TENM4: variants seen among roughly 807,000 people sequenced by gnomAD.
TENM4 encodes the protein teneurin transmembrane protein 4.
TENM4 carries 82 observed loss-of-function variants against 243.3 expected under a neutral mutation model. The observed-to-expected ratio is 0.34, with a 90% CI of 0.28 to 0.40. TENM4 has a LOEUF of 0.40. TENM4 is among the 10% of genes least tolerant of loss of function. The pLI, the probability that TENM4 is intolerant of heterozygous loss-of-function variation, is 1.00. For synonymous variants in TENM4, 1,412 were observed against 1,456.3 expected (o/e 0.97, Z 0.69); for missense variants, 3,138 against 3,673.3 (o/e 0.85, Z 3.77).
chr11:79,185,029 T>A (rs1863356374), intron 3 of TENM4, among the ~76,000 whole-genome samples: 1 of 152,190 alleles, frequency 6.6e-6, no homozygotes, highest in African/African-American at 2.4e-5. Flanking sequence ...CTGGGCACAG[T>A]GGCTCATGCC....
intron 1 of TENM4, among the ~76,000 whole-genome samples, chr11:79,420,763 T>C (rs1342270503): frequency 1.3e-5 from 2 of 152,058 alleles, no homozygotes; most frequent in South Asian, 4.1e-4. Flanking sequence ...TGCTCACACA[T>C]CCACACAATA....
At chr11:79,171,129 T>C (rs1202052630) in intron 3 of TENM4, among the ~76,000 whole-genome samples, 1 of 152,144 alleles carries the variant, frequency 6.6e-6, no homozygotes, top group Admixed American at 6.6e-5. Flanking sequence ...TCTCCTATCT[T>C]ACCTGTGAGA....
rs377174822 is a variant in TENM4, at chr11:78,672,173, C to T, written c.5653G>A (p.Val1885Met). The stretch of plus-strand genomic sequence containing the variant: ...ATGTAACCCCCAGGGGAGTATGTCA[C>T]GTTGACACCATTCAGCCTGCTGCTG... ...SPSSRLNGVN[V>M]TYSPGGYIAG... Residue 1885 changes from valine (V) to methionine (M), a missense_variant, in exon 31 of 34, where the codon GTG (valine) becomes ATG (methionine). Val to Met is a conservative substitution (Grantham distance 21). Around this residue, in one of 2 missense-constraint regions of TENM4, gnomAD observed 2,467 missense variants for 3,059.1 expected, o/e 0.81. Coordinates refer to ENST00000278550, the MANE Select transcript of TENM4 (RefSeq NM_001098816.3). 242 of 1,613,780 alleles carry T rather than the reference C, an allele frequency of 1.5e-4. No homozygotes were observed. Among genetic ancestry groups the T allele is most frequent in the South Asian group, 2.4e-4 (22 of 91,084 alleles).
chr11:79,088,805 C>T (rs1860879070), intron 4 of TENM4, among the ~76,000 whole-genome samples: 1 of 152,162 alleles, frequency 6.6e-6, no homozygotes. Flanking sequence ...TAGAAACCTA[C>T]TATAGGCCCC....
rs548043368 is a variant in TENM4 at position 79,228,339 on chromosome 11, A to G, written c.-264-12430T>C. Among the ~76,000 whole-genome samples the G allele has an allele frequency of 4.5e-4, 69 of 152,232 alleles. 1 individual carries two copies. The highest frequency in any genetic ancestry group is 6.8e-3 in the Middle Eastern group (2 of 294). ...CCTTGTCACAGGTGGCCTTTTATTG[A>G]CTGACCCAAGTGTCCCAGACCAATG... On this transcript the variant is annotated intron_variant, in intron 2 of 33. Coordinates refer to ENST00000278550, the MANE Select transcript of TENM4 (RefSeq NM_001098816.3).
At position 78,658,119 on chromosome 11, in the gene TENM4, T is replaced by G. The variant is rs1857939435; in HGVS notation, c.8249A>C (p.Glu2750Ala). 2.5e-6 allele frequency: 4 copies of G among 1,614,042 alleles called. No individual in the cohort carries two copies. The highest frequency in any genetic ancestry group is 2.2e-5 in the East Asian group (1 of 44,884). Residue 2750 changes from glutamate to alanine, a missense_variant, in exon 34 of 34, where the codon GAA (glutamate) becomes GCA (alanine). Glu to Ala is a moderately radical substitution (Grantham distance 107, BLOSUM62 -1). Transcript: ENST00000278550. ...GATGTTGTTGGCGCTGTCTGACAGT[T>G]CTGGGTACTGCTCGACAGAGATCAC... ...FFVISVEQYP[E>A]LSDSANNIHF... is the part of the protein sequence containing the mutation.
chr11:79,170,594 A>G (rs1382836856), intron 3 of TENM4, among the ~76,000 whole-genome samples: 1 of 152,210 alleles, frequency 6.6e-6, no homozygotes, highest in Non-Finnish European at 1.5e-5. Context: ...GGAGAATGTC[A>G]TGTGAAGATG....
intron 1 of TENM4, among the ~76,000 whole-genome samples, chr11:79,338,933 C>T (rs1252522590): frequency 6.6e-6 from 1 of 152,226 alleles, no homozygotes; most frequent in Non-Finnish European, 1.5e-5. Context: ...GTTGAGTCTA[C>T]TCTGGAGATT....
rs187572763 is a variant in TENM4 at position 79,156,042 on chromosome 11, G to A, written c.-162-7236C>T. ...GTGTTTAAGTTATTCCCTAAGAGAG[G>A]TGAGCTTCAGTTACATAGAAAATGT... On this transcript the variant is annotated intron_variant, in intron 3 of 33. Coordinates refer to ENST00000278550, the MANE Select transcript of TENM4 (RefSeq NM_001098816.3). Among the ~76,000 whole-genome samples the A allele has an allele frequency of 2.9e-4, 44 of 152,196 alleles. 1 individual carries two copies. The highest frequency in any genetic ancestry group is 1.9e-3 in the Admixed American group (29 of 15,278).
At chr11:79,115,362 C>T (rs1018350719) in intron 4 of TENM4, among the ~76,000 whole-genome samples, 7 of 152,114 alleles carry the variant, frequency 4.6e-5, no homozygotes, top group East Asian at 1.9e-4. Flanking sequence ...TATCTCTTTT[C>T]GCCAACTCTC....
chr11:78,942,148 C>T (rs1379950314), intron 6 of TENM4, among the ~76,000 whole-genome samples: 2 of 149,012 alleles, frequency 1.3e-5, no homozygotes, highest in African/African-American at 5.0e-5. Context: ...TGTGGTGGCT[C>T]ATGCCTGTAA....
intron 1 of TENM4, among the ~76,000 whole-genome samples, chr11:79,302,781 G>A (rs1856570419): frequency 1.3e-5 from 2 of 152,174 alleles, no homozygotes; most frequent in Non-Finnish European, 2.9e-5. Context: ...CAGGATGTAA[G>A]TCAGAGATCA....
At chr11:78,740,515 TC>T (rs1855903907) in intron 19 of TENM4, among the ~76,000 whole-genome samples, 1 of 152,232 alleles carries the variant, frequency 6.6e-6, no homozygotes, top group African/African-American at 2.4e-5. Flanking sequence ...CTGAAGGTCT[TC>T]CAATGTATTT....
intron 10 of TENM4, among the ~76,000 whole-genome samples, chr11:78,862,175 T>C (rs1858838442): frequency 6.6e-6 from 1 of 152,098 alleles, no homozygotes; most frequent in Non-Finnish European, 1.5e-5. Flanking sequence ...AACCTTGGGG[T>C]AAGTCAGGTG....
intron 20 of TENM4, 28 bp from the exon 21 acceptor site, chr11:78,732,605 G>T (rs750303619): frequency 6.4e-7 from 1 of 1,567,264 alleles, no homozygotes; most frequent in Non-Finnish European, 8.7e-7. Context: ...GTTGAGAAGG[G>T]GCGGGGAGCA....
intron 9 of TENM4, among the ~76,000 whole-genome samples, chr11:78,886,506 G>A (rs1056831810): frequency 4.6e-5 from 7 of 152,322 alleles, no homozygotes; most frequent in Non-Finnish European, 8.8e-5. Flanking sequence ...CCTGCAACGC[G>A]TTCACCTGCG....
In TENM4 at chr11:78,655,185, G is replaced by A. The variant is rs1297802778; in HGVS notation, c.*2873C>T. ...TCACTGAGTCACCTGCAGCCCAAATGGAAACCAACTCAAAAGGGCCAAGGC... is the reference window on the plus strand; with the variant it reads ...TCACTGAGTCACCTGCAGCCCAAATAGAAACCAACTCAAAAGGGCCAAGGC... On this transcript the variant is annotated 3_prime_UTR_variant, in exon 34 of 34. Coordinates refer to ENST00000278550, the MANE Select transcript of TENM4 (RefSeq NM_001098816.3). 6.6e-6 allele frequency: 1 copy of A among 152,228 alleles called. No homozygotes were observed. Among genetic ancestry groups the A allele is most frequent in the Non-Finnish European group, 1.5e-5 (1 of 68,136 alleles). 9.4% of individuals were successfully genotyped at this position (152,228 alleles called of 1,614,324 possible). A position where few individuals can be genotyped will look rare whatever the true frequency, so the allele number is the denominator to read the frequency against.
chr11:79,357,838 T>C (rs1425688879), intron 1 of TENM4, among the ~76,000 whole-genome samples: 8 of 152,232 alleles, frequency 5.3e-5, no homozygotes, highest in African/African-American at 9.6e-5. Flanking sequence ...TGCCCACTTG[T>C]AGCAACAACT....
chr11:78,986,788 G>A (rs1192083082), intron 6 of TENM4, among the ~76,000 whole-genome samples: 1 of 152,190 alleles, frequency 6.6e-6, no homozygotes, highest in Non-Finnish European at 1.5e-5. Flanking sequence ...TGGCCAGGCT[G>A]GTCTTGAACT....
Sources: allele counts gnomAD v4.1 joint callset (sites outside exome capture counted in the v4.1 genomes callset), GRCh38; gene constraint gnomAD v4.1.1; regional missense constraint gnomAD v4.1.1; transcripts MANE v1.5; gene names NCBI Gene and HGNC (gene_info 2026-07-23, HGNC 2026-07-21).